NAALADL2: variants seen among roughly 807,000 people sequenced by gnomAD.
NAALADL2 encodes inactive N-acetylated-alpha-linked acidic dipeptidase-like protein 2.
A neutral mutation model predicts 87.2 loss-of-function variants in NAALADL2; 76 were observed. That is an observed-to-expected ratio of 0.87 (90% confidence interval 0.72 to 1.05). The LOEUF is 1.05. Ranked by LOEUF, NAALADL2 falls within the 50% of genes least tolerant of loss-of-function variation. NAALADL2 has a pLI of 0.00. For missense variants in NAALADL2, 1,089 were observed against 945.8 expected (o/e 1.15, Z -1.99); for synonymous variants, 354 against 331.0 (o/e 1.07, Z -0.75).
At chr3:174,993,733 AAC>A (rs1485959087) in intron 1 of NAALADL2, among the ~76,000 whole-genome samples, 4 of 152,206 alleles carry the variant, frequency 2.6e-5, no homozygotes, top group African/African-American at 9.6e-5. Flanking sequence ...GGATTGTGAA[AAC>A]ACAGTACCAC....
At chr3:174,661,292 C>T (rs573092714) in intron 2 of NAALADL2, among the ~76,000 whole-genome samples, 1 of 152,178 alleles carries the variant, frequency 6.6e-6, no homozygotes, top group East Asian at 1.9e-4. Flanking sequence ...TTACTGAACT[C>T]ATAACTGCTC....
chr3:175,726,403 T>C (rs555530718), intron 11 of NAALADL2, among the ~76,000 whole-genome samples: 1 of 152,264 alleles, frequency 6.6e-6, no homozygotes, highest in East Asian at 1.9e-4. Context: ...AAGCTGCCAG[T>C]GAACAGGATA....
intron 3 of NAALADL2, among the ~76,000 whole-genome samples, chr3:174,807,525 T>A (rs1719646297): frequency 6.6e-6 from 1 of 152,148 alleles, no homozygotes; most frequent in Non-Finnish European, 1.5e-5. Flanking sequence ...TTTTCTTTTG[T>A]AATTTGCTTA....
chr3:175,124,822 A>T (rs553424216), intron 2 of NAALADL2, among the ~76,000 whole-genome samples: 1 of 152,174 alleles, frequency 6.6e-6, no homozygotes, highest in Non-Finnish European at 1.5e-5. Flanking sequence ...ATTGTGTCCC[A>T]AAGAAACTTT....
intron 2 of NAALADL2, among the ~76,000 whole-genome samples, chr3:174,722,123 A>G (rs1310542773): frequency 1.3e-5 from 2 of 152,002 alleles, no homozygotes; most frequent in Admixed American, 1.3e-4. Context: ...CTTCTTATTT[A>G]CCTGTAACAG....
At chr3:175,103,573 G>A (rs952257991) in intron 2 of NAALADL2, among the ~76,000 whole-genome samples, 2 of 150,290 alleles carry the variant, frequency 1.3e-5, no homozygotes, top group Admixed American at 6.7e-5. Context: ...CCTTGCCTCA[G>A]AATCCTTCTC....
intron 1 of NAALADL2, among the ~76,000 whole-genome samples, chr3:174,905,742 A>G (rs1305096010): frequency 6.6e-6 from 1 of 152,048 alleles, no homozygotes; most frequent in African/African-American, 2.4e-5. Flanking sequence ...GACAGACAGG[A>G]TAAATCTCTA....
At chr3:175,222,133 T>C (rs1353803516) in intron 2 of NAALADL2, among the ~76,000 whole-genome samples, 1 of 152,152 alleles carries the variant, frequency 6.6e-6, no homozygotes, top group East Asian at 1.9e-4. Context: ...AAAATGTACT[T>C]GGCACAGTGT....
chr3:175,072,831 A>C (rs1190242590), intron 1 of NAALADL2, among the ~76,000 whole-genome samples: 1 of 151,982 alleles, frequency 6.6e-6, no homozygotes, highest in African/African-American at 2.4e-5. Flanking sequence ...TAAAACTTAA[A>C]GTATAGCAAT....
rs1274894057 is a variant in NAALADL2 at position 175,109,169 on chromosome 3, A to G, written c.545+11878A>G. ...TGTAGAACAGTGCAAGGGAGTTAGA[A>G]TCAAGGTCAAAGCTATAAACTGTTA... On this transcript the variant is annotated intron_variant, in intron 2 of 13. Transcript: ENST00000454872. Among the ~76,000 whole-genome samples the G allele has an allele frequency of 2.0e-5, 3 of 152,014 alleles. No homozygotes were observed. The East Asian group carries it at 5.8e-4, about 29-fold the overall frequency.
intron 1 of NAALADL2, among the ~76,000 whole-genome samples, chr3:175,028,152 A>T (rs1752425358): frequency 6.6e-6 from 1 of 152,068 alleles, no homozygotes; most frequent in South Asian, 2.1e-4. Context: ...AGTTGATCCT[A>T]ATATTTCTTT....
At chr3:174,938,321 C>A (rs1384019271) in intron 1 of NAALADL2, among the ~76,000 whole-genome samples, 1 of 152,040 alleles carries the variant, frequency 6.6e-6, no homozygotes, top group Non-Finnish European at 1.5e-5. Flanking sequence ...ATAATAGCCT[C>A]CAGCTCTATC....
intron 2 of NAALADL2, among the ~76,000 whole-genome samples, chr3:175,215,877 A>G (rs1473449591): frequency 4.6e-5 from 7 of 152,166 alleles, no homozygotes; most frequent in Admixed American, 3.9e-4. Flanking sequence ...CTAGTCAGAT[A>G]GACAGGCTAG....
At chr3:174,903,224 A>C (rs571047760) in intron 1 of NAALADL2, among the ~76,000 whole-genome samples, 1 of 152,116 alleles carries the variant, frequency 6.6e-6, no homozygotes, top group African/African-American at 2.4e-5. Context: ...GTATTTGAAT[A>C]CATTAGATAT....
intron 1 of NAALADL2, among the ~76,000 whole-genome samples, chr3:175,013,391 TG>T (rs1399590255): frequency 7.2e-6 from 1 of 139,644 alleles, no homozygotes; most frequent in African/African-American, 2.7e-5. Context: ...CTCCACCTCC[TG>T]GGTTCAAGTG....
In NAALADL2 at chr3:174,590,784, T is replaced by C. The variant is rs530209982; in HGVS notation, c.-115+40147T>C. Among the ~76,000 whole-genome samples the C allele has an allele frequency of 8.5e-5, 13 of 152,262 alleles. No homozygotes were observed. The South Asian group carries it at 2.5e-3, about 29-fold the overall frequency. ...TCATAGTTCTTTAGTTTGTTGTTGT[T>C]GTTGGTATGAGGATTAATTGAGATA... On this transcript the variant is annotated intron_variant, in intron 2 of 3. Transcript: ENST00000434257.
At chr3:175,255,551 A>C (rs1264092455) in intron 3 of NAALADL2, among the ~76,000 whole-genome samples, 1 of 152,206 alleles carries the variant, frequency 6.6e-6, no homozygotes, top group Admixed American at 6.5e-5. Context: ...GGAAAGCATA[A>C]CAACTATTGT....
At chr3:175,603,780 T>A (rs1723278264) in intron 10 of NAALADL2, among the ~76,000 whole-genome samples, 1 of 151,962 alleles carries the variant, frequency 6.6e-6, no homozygotes, top group African/African-American at 2.4e-5. Flanking sequence ...AACATGGATA[T>A]AAAAATACCT....
chr3:174,961,110 AATG>A (rs1741927625), intron 1 of NAALADL2, among the ~76,000 whole-genome samples: 2 of 148,006 alleles, frequency 1.4e-5, no homozygotes, highest in Non-Finnish European at 1.5e-5. Flanking sequence ...TATATAACAT[AATG>A]ATATATAATA....
Sources: allele counts gnomAD v4.1 joint callset (sites outside exome capture counted in the v4.1 genomes callset), GRCh38; gene constraint gnomAD v4.1.1; transcripts MANE v1.5; gene names NCBI Gene and HGNC (gene_info 2026-07-23, HGNC 2026-07-21).